The following GPC4 variants were observed in gnomAD, a reference collection of about 807,000 sequenced individuals.
GPC4 encodes glypican 4.
In GPC4, 10 loss-of-function variants were observed where a neutral mutation model predicts 35.0. The ratio of observed to expected loss-of-function variants is 0.29; its 90% CI spans 0.18 to 0.48. The LOEUF (loss-of-function observed/expected upper bound fraction) is 0.48. Among genes scored for constraint, GPC4 ranks in the 20% least tolerant of loss-of-function variants. The pLI, the probability that GPC4 is intolerant of heterozygous loss-of-function variation, is 0.99. For missense variants in GPC4, 322 were observed against 451.3 expected, an observed-to-expected ratio of 0.71 and a Z score of 2.60; for synonymous variants, 167 against 170.2, an observed-to-expected ratio of 0.98 and a Z score of 0.15.
intron 1 of GPC4, among the ~76,000 whole-genome samples, chrX:133,379,489 AT>A (rs1430131074): frequency 2.7e-5 from 3 of 112,090 alleles, no homozygotes; most frequent in Non-Finnish European, 5.6e-5. Flanking sequence ...CTAGAACTAG[AT>A]AGTCTTAATG....
intron 1 of GPC4, among the ~76,000 whole-genome samples, chrX:133,406,769 A>AG (rs1491408526): frequency 1.1e-3 from 107 of 98,709 alleles, no homozygotes; most frequent in African/African-American, 3.9e-3. Context: ...AAAAAAAAAA[A>AG]GAAAATTAAA....
intron 1 of GPC4, among the ~76,000 whole-genome samples, chrX:133,396,546 T>C (rs975255466): frequency 1.8e-5 from 2 of 111,952 alleles, no homozygotes; most frequent in Admixed American, 1.9e-4. Flanking sequence ...TAAAAACACA[T>C]CTCATTTTTT....
At chrX:133,414,339 T>C in intron 1 of GPC4, 1 of 288,608 alleles carries the variant, frequency 3.5e-6, no homozygotes. Context: ...TCCGGGACGT[T>C]TCCCTCCACC....
intron 1 of GPC4, among the ~76,000 whole-genome samples, chrX:133,347,254 T>G (rs972090739): frequency 7.2e-5 from 6 of 83,833 alleles, no homozygotes; most frequent in African/African-American, 3.2e-4. Context: ...AGAAGTTTTT[T>G]TTTTTTTTTT....
intron 1 of GPC4, among the ~76,000 whole-genome samples, chrX:133,394,440 C>T (rs910227705): frequency 9.9e-5 from 11 of 110,896 alleles, no homozygotes; most frequent in Non-Finnish European, 1.9e-4. Context: ...GACAGTATGA[C>T]AACTCTCAGT....
At chrX:133,341,984 G>A (rs1032646049) in intron 1 of GPC4, among the ~76,000 whole-genome samples, 3 of 107,212 alleles carry the variant, frequency 2.8e-5, no homozygotes, top group Non-Finnish European at 3.8e-5. Flanking sequence ...GAACCTTATC[G>A]AGACTTGCTG....
At chrX:133,349,143 G>A (rs1163310436) in intron 1 of GPC4, among the ~76,000 whole-genome samples, 1 of 112,407 alleles carries the variant, frequency 8.9e-6, no homozygotes. Context: ...ATCAGACCTG[G>A]CTTGGAAGGT....
intron 1 of GPC4, among the ~76,000 whole-genome samples, chrX:133,399,128 T>C (rs761975477): frequency 3.1e-4 from 35 of 111,881 alleles, no homozygotes; most frequent in Non-Finnish European, 5.1e-4. Flanking sequence ...AGTTTTACTA[T>C]TGCAAGGCCA....
intron 3 of GPC4, among the ~76,000 whole-genome samples, chrX:133,317,601 G>A: frequency 9.0e-6 from 1 of 111,718 alleles, no homozygotes; most frequent in South Asian, 3.7e-4. Context: ...ACTGAAGCTA[G>A]AAATGCATTT....
Position 133,339,340 on chromosome X carries a change from A to G in GPC4, c.162T>C (p.Gly54=), listed in dbSNP as rs747071668. Residue 54 remains glycine (G), a splice_region_variant and synonymous_variant, in exon 2 of 9, where the codon GGT becomes GGC. Transcript: ENST00000370828. ...CCTGGGGACAGATCTTCAAATGATC[A>G]CCTGCAAGATAAAAAGTAAGACAGT... ...KNDAPLHEIN[G]DHLKICPQGS... 1.7e-6 allele frequency: 2 copies of G among 1,207,810 alleles called. No individual in the cohort carries two copies. Among genetic ancestry groups the G allele is most frequent in the South Asian group, 1.8e-5 (1 of 56,469 alleles).
rs750398114 is a variant in GPC4 at position 133,306,102 on chromosome X, C to T, written c.930G>A (p.Ser310=). The T allele has an allele frequency of 9.1e-6, 11 of 1,208,356 alleles. No individual in the cohort carries two copies. Among genetic ancestry groups the T allele is most frequent in the Non-Finnish European group, 1.2e-5 (11 of 894,248 alleles). ...ERLEGPFNIE[S]VMDPIDVKIS... ...TCTTCACATCGATGGGATCCATGAC[C>T]GATTCAATGTTGAAAGGACCCTCTA... Residue 310 remains serine, a synonymous_variant, in exon 5 of 9, where the codon TCG becomes TCA. Transcript: ENST00000370828.
At chrX:133,376,009 C>T (rs754971522) in intron 1 of GPC4, among the ~76,000 whole-genome samples, 5 of 112,182 alleles carry the variant, frequency 4.5e-5, no homozygotes, top group African/African-American at 1.6e-4. Flanking sequence ...CTTCAAATTT[C>T]CCAGCACAGC....
intron 3 of GPC4, among the ~76,000 whole-genome samples, chrX:133,312,573 G>C (rs904686441): frequency 1.9e-5 from 2 of 103,341 alleles, no homozygotes; most frequent in African/African-American, 7.2e-5. Flanking sequence ...AGGTTGCAGC[G>C]AGCCGAGATC....
At chrX:133,395,317 T>C (rs1017491855) in intron 1 of GPC4, among the ~76,000 whole-genome samples, 2 of 111,228 alleles carry the variant, frequency 1.8e-5, no homozygotes, top group African/African-American at 6.5e-5. Context: ...GTAGATAGGG[T>C]TTATATTATA....
At chrX:133,410,588 A>G (rs966495400) in intron 1 of GPC4, among the ~76,000 whole-genome samples, 5 of 112,292 alleles carry the variant, frequency 4.5e-5, no homozygotes, top group African/African-American at 1.6e-4. Context: ...GGGGAGCCAG[A>G]GAGACTCACT....
intron 1 of GPC4, among the ~76,000 whole-genome samples, chrX:133,398,773 A>G (rs1348792519): frequency 9.4e-6 from 1 of 106,314 alleles, no homozygotes; most frequent in South Asian, 4.1e-4. Context: ...GTCTCAGAGA[A>G]AAAAAAAAAA....
intron 1 of GPC4, among the ~76,000 whole-genome samples, chrX:133,364,319 C>T (rs1201459562): frequency 9.0e-6 from 1 of 111,150 alleles, no homozygotes; most frequent in African/African-American, 3.3e-5. Flanking sequence ...CTTGGTCATA[C>T]GGACCAAAAA....
At chrX:133,395,045 T>C (rs2068736558) in intron 1 of GPC4, among the ~76,000 whole-genome samples, 1 of 111,587 alleles carries the variant, frequency 9.0e-6, no homozygotes, top group Admixed American at 9.6e-5. Context: ...GTGTTCCTAT[T>C]TTACCCCCAG....
At chrX:133,338,374 C>T (rs1420338615) in intron 2 of GPC4, among the ~76,000 whole-genome samples, 1 of 111,943 alleles carries the variant, frequency 8.9e-6, no homozygotes, top group Non-Finnish European at 1.9e-5. Flanking sequence ...AAAACTAAAT[C>T]TACTTCATAA....
Sources: gnomAD v4.1 joint callset for allele counts (sites outside exome capture counted in the v4.1 genomes callset) on GRCh38, gnomAD v4.1.1 for gene constraint, MANE v1.5 for transcripts, NCBI Gene and HGNC (gene_info 2026-07-23, HGNC 2026-07-21) for gene names.